Variants in HEATR5A observed in about 807,000 individuals in gnomAD.
HEATR5A encodes HEAT repeat containing 5A.
A neutral mutation model predicts 218.8 loss-of-function variants in HEATR5A; 178 were observed. The observed-to-expected ratio is 0.81, with a 90% CI of 0.72 to 0.92. HEATR5A has a LOEUF of 0.92. Among genes scored for constraint, HEATR5A ranks in the 40% least tolerant of loss-of-function variants. The pLI is 0.00. For missense variants in HEATR5A, 2,420 were observed against 2,418.9 expected, an observed-to-expected ratio of 1.00 and a Z score of -0.01; for synonymous variants, 864 against 871.6, an observed-to-expected ratio of 0.99 and a Z score of 0.15.
intron 7 of HEATR5A, among the ~76,000 whole-genome samples, chr14:31,387,652 T>G (rs934835970): frequency 6.6e-6 from 1 of 151,772 alleles, no homozygotes; most frequent in Non-Finnish European, 1.5e-5. Context: ...CTCCGCCTCC[T>G]GGGTTCACGC....
At chr14:31,349,552 C>T in intron 18 of HEATR5A, among the ~76,000 whole-genome samples, 1 of 152,142 alleles carries the variant, frequency 6.6e-6, no homozygotes. Context: ...AATTACATCA[C>T]TCATATAGAT....
chr14:31,320,077 TTATA>T (rs1295073066), intron 25 of HEATR5A: 1 of 212,554 alleles, frequency 4.7e-6, no homozygotes, highest in East Asian at 1.3e-4. Context: ...ATGAAAGAGG[TTATA>T]TATATTATGA....
intron 25 of HEATR5A, among the ~76,000 whole-genome samples, chr14:31,319,472 G>A (rs966373297): frequency 7.9e-5 from 12 of 152,258 alleles, no homozygotes; most frequent in African/African-American, 1.7e-4. Flanking sequence ...ACAGTTCTAC[G>A]TAACTTTAAT....
At chr14:31,306,369 G>A (rs1899556877) in intron 31 of HEATR5A, among the ~76,000 whole-genome samples, 1 of 152,162 alleles carries the variant, frequency 6.6e-6, no homozygotes, top group Non-Finnish European at 1.5e-5. Context: ...TGATGCCCTA[G>A]CTACTCAGGA....
chr14:31,332,047 T>C (rs1900490602), intron 22 of HEATR5A, among the ~76,000 whole-genome samples: 1 of 152,234 alleles, frequency 6.6e-6, no homozygotes, highest in Admixed American at 6.5e-5. Context: ...TGGGGCCTGC[T>C]TTAAGATGAT....
At chr14:31,342,028 G>A (rs1436721821) in intron 21 of HEATR5A, among the ~76,000 whole-genome samples, 1 of 152,040 alleles carries the variant, frequency 6.6e-6, no homozygotes, top group African/African-American at 2.4e-5. Context: ...ATACATGATT[G>A]ACCCAGATCT....
chr14:31,379,927 C>T (rs190320725), intron 11 of HEATR5A, among the ~76,000 whole-genome samples: 10 of 152,184 alleles, frequency 6.6e-5, no homozygotes. Flanking sequence ...CACTGCACTC[C>T]AGCTCGTGTG....
intron 21 of HEATR5A, among the ~76,000 whole-genome samples, chr14:31,342,351 G>A (rs1395681894): frequency 1.3e-5 from 2 of 152,096 alleles, no homozygotes; most frequent in East Asian, 1.9e-4. Context: ...TTGCACCACC[G>A]CACTCCAGCC....
chr14:31,358,750 C>T lies in HEATR5A; in HGVS notation c.2298G>A (p.Glu766=), dbSNP rs61754153. The T allele has an allele frequency of 1.6e-5, 26 of 1,613,888 alleles. No individual in the cohort carries two copies. In the Middle Eastern group the frequency reaches 8.2e-4, roughly 51 times the overall value. The part of the protein sequence containing the change: ...SLEYDPYSIY[E]KDVEGDSVPK... ...GCACTGAATCTCCCTCTACATCTTT[C>T]TCATAAATCGAATAAGGGTCATATT... The change falls in exon 16 of 36, where the codon GAG becomes GAA. Residue 766 remains glutamate, a synonymous_variant. Transcript: ENST00000543095.
At chr14:31,381,393 G>A (rs750373834) in intron 10 of HEATR5A, among the ~76,000 whole-genome samples, 8 of 151,676 alleles carry the variant, frequency 5.3e-5, no homozygotes, top group Non-Finnish European at 1.2e-4. Context: ...TAGTAAAAAA[G>A]TCTATGAGGC....
intron 21 of HEATR5A, among the ~76,000 whole-genome samples, chr14:31,340,156 GAAATT>G (rs1312808514): frequency 6.6e-6 from 1 of 152,088 alleles, no homozygotes; most frequent in Non-Finnish European, 1.5e-5. Flanking sequence ...GCAAAATACA[GAAATT>G]AAATTAAACT....
Position 31,313,199 on chromosome 14 carries a change from G to T in HEATR5A, c.4219-9C>A. On this transcript the variant is annotated splice_polypyrimidine_tract_variant and intron_variant, in intron 27 of 35. Transcript: ENST00000543095. ...ACAGCAATTATGTAGACCTGTTAAAGGTTAATTTAAAAACAGGAAAATCTT... is the reference window on the plus strand; with the variant it reads ...ACAGCAATTATGTAGACCTGTTAAATGTTAATTTAAAAACAGGAAAATCTT... 6.3e-7 allele frequency: 1 copy of T among 1,591,064 alleles called. No homozygotes were observed. The highest frequency in any genetic ancestry group is 1.1e-5 in the South Asian group (1 of 88,440).
At chr14:31,396,054 G>T (rs1055433059) in intron 4 of HEATR5A, among the ~76,000 whole-genome samples, 1 of 152,110 alleles carries the variant, frequency 6.6e-6, no homozygotes, top group Non-Finnish European at 1.5e-5. Flanking sequence ...ACAGTTAAAA[G>T]TCAAGAAATA....
chr14:31,324,093 C>T (rs897084686), intron 23 of HEATR5A, among the ~76,000 whole-genome samples: 1 of 151,760 alleles, frequency 6.6e-6, no homozygotes, highest in Non-Finnish European at 1.5e-5. Flanking sequence ...TTTAAAAAAA[C>T]AAACAAACAC....
chr14:31,390,870 A>C (rs1302917590), intron 6 of HEATR5A, among the ~76,000 whole-genome samples: 1 of 152,212 alleles, frequency 6.6e-6, no homozygotes, highest in African/African-American at 2.4e-5. Flanking sequence ...AGTTAACTAC[A>C]AAACAGCTTC....
chr14:31,315,689 TA>T (rs1899891430), intron 27 of HEATR5A, 80 bp downstream of exon 27: 1 of 1,021,696 alleles, frequency 9.8e-7, no homozygotes, highest in African/African-American at 1.6e-5. Flanking sequence ...TAGTTCATTT[TA>T]AACAGTAAAT....
chr14:31,334,805 GTGTGGTGGTGGGCACC>G (rs1900594317), intron 22 of HEATR5A, among the ~76,000 whole-genome samples: 1 of 152,054 alleles, frequency 6.6e-6, no homozygotes, highest in African/African-American at 2.4e-5. Context: ...AATTAGCTGG[GTGTGGTGGTGGGCACC>G]TGTAGTCCCA....
chr14:31,346,598 T>C (rs1300255442), intron 19 of HEATR5A, among the ~76,000 whole-genome samples: 1 of 152,116 alleles, frequency 6.6e-6, no homozygotes, highest in African/African-American at 2.4e-5. Flanking sequence ...AGTCAACACT[T>C]TGAGGTAGTA....
chr14:31,419,350 C>T (rs578032452), intron 1 of HEATR5A, among the ~76,000 whole-genome samples: 1 of 152,186 alleles, frequency 6.6e-6, no homozygotes, highest in South Asian at 2.1e-4. Context: ...TCTAAAATTA[C>T]TTTCTCAAAG....
Sources: allele counts gnomAD v4.1 joint callset (sites outside exome capture counted in the v4.1 genomes callset), GRCh38; gene constraint gnomAD v4.1.1; transcripts MANE v1.5; gene names NCBI Gene and HGNC (gene_info 2026-07-23, HGNC 2026-07-21).